Variants in TMEM108 observed in about 807,000 individuals in gnomAD.
TMEM108 encodes the protein transmembrane protein 108.
A neutral mutation model predicts 35.1 loss-of-function variants in TMEM108; 12 were observed. That is an observed-to-expected ratio of 0.34 (90% CI 0.22 to 0.55). The LOEUF (loss-of-function observed/expected upper bound fraction) is 0.55. Among genes scored for constraint, TMEM108 ranks in the 20% least tolerant of loss-of-function variants. The probability of loss-of-function intolerance (pLI) is 0.89; values close to 1 mark genes in which losing one functional copy is unlikely to be tolerated. For missense variants in TMEM108, 680 were observed against 753.3 expected, an observed-to-expected ratio of 0.90 and a Z score of 1.14; for synonymous variants, 287 against 308.6, an observed-to-expected ratio of 0.93 and a Z score of 0.73.
intron 2 of TMEM108, among the ~76,000 whole-genome samples, chr3:133,212,227 G>A (rs1945842795): frequency 1.3e-5 from 2 of 152,058 alleles, no homozygotes; most frequent in South Asian, 4.1e-4. Flanking sequence ...TTGTAGTCTT[G>A]GCCTACATGA....
intron 2 of TMEM108, among the ~76,000 whole-genome samples, chr3:133,128,948 A>G (rs141560289): frequency 1.3e-5 from 2 of 152,348 alleles, no homozygotes; most frequent in African/African-American, 2.4e-5. Context: ...CCAAACACCT[A>G]AAATCCATAG....
intron 2 of TMEM108, among the ~76,000 whole-genome samples, chr3:133,084,910 C>T (rs775877289): frequency 2.0e-5 from 3 of 152,048 alleles, no homozygotes; most frequent in East Asian, 1.9e-4. Context: ...CTCCAGGACA[C>T]GCAGTGAGTG....
chr3:133,049,377 A>G (rs1202128358), intron 2 of TMEM108, among the ~76,000 whole-genome samples: 1 of 152,184 alleles, frequency 6.6e-6, no homozygotes, highest in Non-Finnish European at 1.5e-5. Context: ...TGGCTACCAT[A>G]TTGGACATTG....
chr3:133,257,051 G>C (rs1485293645), intron 3 of TMEM108: 1 of 152,200 alleles, frequency 6.6e-6, no homozygotes, highest in Admixed American at 6.5e-5. Flanking sequence ...ATGCCTGCAA[G>C]GACACTGCCT....
intron 2 of TMEM108, among the ~76,000 whole-genome samples, chr3:133,205,143 T>TTC (rs1553747609): frequency 2.0e-5 from 3 of 150,906 alleles, no homozygotes; most frequent in African/African-American, 7.3e-5. Context: ...TTTTTTTTTT[T>TTC]CTTTCCATTT....
intron 2 of TMEM108, among the ~76,000 whole-genome samples, chr3:133,157,421 G>A (rs1944897433): frequency 6.6e-6 from 1 of 152,160 alleles, no homozygotes; most frequent in African/African-American, 2.4e-5. Flanking sequence ...CTACCTTTAT[G>A]TGTGTACACA....
chr3:133,079,469 G>A (rs1943783672), intron 2 of TMEM108, among the ~76,000 whole-genome samples: 2 of 152,188 alleles, frequency 1.3e-5, no homozygotes, highest in South Asian at 4.1e-4. Context: ...GTGGCAAGCT[G>A]ATTCAATATC....
chr3:133,074,152 CAG>C (rs1325061500), intron 2 of TMEM108, among the ~76,000 whole-genome samples: 1 of 152,076 alleles, frequency 6.6e-6, no homozygotes, highest in African/African-American at 2.4e-5. Context: ...ATCACAGGCA[CAG>C]AGAGTTGAGT....
At chr3:133,224,025 T>C (rs1946031353) in intron 2 of TMEM108, among the ~76,000 whole-genome samples, 1 of 152,220 alleles carries the variant, frequency 6.6e-6, no homozygotes, top group Non-Finnish European at 1.5e-5. Flanking sequence ...CCATGTATTA[T>C]GGGAAGTCTG....
chr3:133,247,180 C>G (rs368451670), intron 3 of TMEM108: 3 of 152,308 alleles, frequency 2.0e-5, no homozygotes. Flanking sequence ...GAATGGGATC[C>G]TTAGAAGACA....
intron 3 of TMEM108, among the ~76,000 whole-genome samples, chr3:133,299,636 T>G (rs561339329): frequency 4.6e-5 from 7 of 152,278 alleles, no homozygotes; most frequent in Admixed American, 6.5e-5. Context: ...GGGCATTTCT[T>G]TATGTTTTCT....
At chr3:133,189,909 G>A (rs1945474296) in intron 2 of TMEM108, among the ~76,000 whole-genome samples, 1 of 152,230 alleles carries the variant, frequency 6.6e-6, no homozygotes, top group East Asian at 1.9e-4. Context: ...CATGATAAAG[G>A]CATAGTTTGG....
intron 2 of TMEM108, among the ~76,000 whole-genome samples, chr3:133,118,776 A>G (rs1944317181): frequency 6.6e-6 from 1 of 152,136 alleles, no homozygotes; most frequent in African/African-American, 2.4e-5. Context: ...CACAGACATA[A>G]GTGAATCAGA....
At chr3:133,312,632 T>C (rs2071147711) in intron 3 of TMEM108, among the ~76,000 whole-genome samples, 1 of 152,220 alleles carries the variant, frequency 6.6e-6, no homozygotes, top group Non-Finnish European at 1.5e-5. Context: ...GTACAGTCTG[T>C]CACAGCTTCC....
intron 2 of TMEM108, chr3:133,192,675 C>G (rs899572447): frequency 1.3e-5 from 2 of 152,378 alleles, no homozygotes; most frequent in Non-Finnish European, 2.9e-5. Context: ...ATGTTTGAAT[C>G]GCCACAGGGA....
intron 3 of TMEM108, among the ~76,000 whole-genome samples, chr3:133,342,555 T>TATATATATATATATATACACAC (rs60991711): frequency 1.6e-5 from 1 of 63,424 alleles, no homozygotes; most frequent in African/African-American, 5.2e-5. Context: ...TATATATATA[T>TATATATATATATATATACACAC]ACACACACAC....
intron 3 of TMEM108, among the ~76,000 whole-genome samples, chr3:133,323,960 A>C (rs1376289423): frequency 6.6e-6 from 1 of 152,248 alleles, no homozygotes; most frequent in African/African-American, 2.4e-5. Flanking sequence ...TGCTGGGATC[A>C]TTGGCAAGCC....
At chr3:133,362,996 C>T (rs2072400010) in intron 3 of TMEM108, among the ~76,000 whole-genome samples, 1 of 152,170 alleles carries the variant, frequency 6.6e-6, no homozygotes, top group African/African-American at 2.4e-5. Flanking sequence ...GAAAAAGCAG[C>T]ATCTAAAGGA....
chr3:133,051,903 T>C (rs563955040), intron 2 of TMEM108, among the ~76,000 whole-genome samples: 26 of 152,266 alleles, frequency 1.7e-4, no homozygotes, highest in Non-Finnish European at 3.2e-4. Context: ...TATGGCACTT[T>C]ATAGTAGGTC....
Sources: gnomAD v4.1 joint callset for allele counts (sites outside exome capture counted in the v4.1 genomes callset) on GRCh38, gnomAD v4.1.1 for gene constraint, MANE v1.5 for transcripts, NCBI Gene and HGNC (gene_info 2026-07-23, HGNC 2026-07-21) for gene names.